Variants in SLC24A2 observed in about 807,000 individuals in gnomAD.
SLC24A2 encodes solute carrier family 24 member 2, also known as sodium/potassium/calcium exchanger 2.
Under a neutral mutation model 62.0 loss-of-function variants are expected in SLC24A2, and 36 were observed. The observed-to-expected ratio is 0.58, with a 90% CI of 0.44 to 0.77. The LOEUF (loss-of-function observed/expected upper bound fraction) is 0.77, where lower values mean the gene tolerates loss of function less well. Among genes scored for constraint, SLC24A2 ranks in the 30% least tolerant of loss-of-function variants. SLC24A2 has a pLI of 0.00. For synonymous variants in SLC24A2, 358 were observed against 294.0 expected (o/e 1.22, Z -2.23); for missense variants, 846 against 817.9 (o/e 1.03, Z -0.42).
At chr9:20,157,133 T>C in the SLC24A2 span, among the ~76,000 whole-genome samples, 1 of 151,608 alleles carries the variant, frequency 6.6e-6, no homozygotes, top group East Asian at 1.9e-4. Context: ...GAAAAGTAAG[T>C]GGGGAAGACA....
At chr9:19,970,613 C>T in the SLC24A2 span, among the ~76,000 whole-genome samples, 11 of 152,146 alleles carry the variant, frequency 7.2e-5, no homozygotes, top group African/African-American at 2.4e-4. Context: ...ATGTTAAGTT[C>T]ATTTGTTGAG....
chr9:20,184,018 C>T, the SLC24A2 span, among the ~76,000 whole-genome samples: 1 of 152,094 alleles, frequency 6.6e-6, no homozygotes, highest in Non-Finnish European at 1.5e-5. Flanking sequence ...AACCATACAT[C>T]TGATAAGGGG....
chr9:20,146,635 G>A, the SLC24A2 span, among the ~76,000 whole-genome samples: 21 of 152,030 alleles, frequency 1.4e-4, no homozygotes, highest in Non-Finnish European at 3.1e-4. Flanking sequence ...CAGTATAGTG[G>A]TAAAATTGGT....
the SLC24A2 span, among the ~76,000 whole-genome samples, chr9:19,824,618 C>T: frequency 1.3e-5 from 2 of 152,210 alleles, no homozygotes; most frequent in South Asian, 4.2e-4. Context: ...GTGGCGATTC[C>T]TCAAGGATCT....
At chr9:20,131,344 T>G in the SLC24A2 span, among the ~76,000 whole-genome samples, 2 of 152,122 alleles carry the variant, frequency 1.3e-5, no homozygotes, top group African/African-American at 4.8e-5. Context: ...GCATGATGAC[T>G]GGACAAGAGG....
the SLC24A2 span, among the ~76,000 whole-genome samples, chr9:20,258,800 C>CTATG: frequency 1.4e-3 from 177 of 128,834 alleles, 2 homozygotes; most frequent in African/African-American, 5.7e-3. Context: ...ATCTATCTAT[C>CTATG]TATCTATCTA....
At chr9:19,551,577 A>C (rs1487882131) in intron 7 of SLC24A2, among the ~76,000 whole-genome samples, 1 of 152,184 alleles carries the variant, frequency 6.6e-6, no homozygotes, top group Non-Finnish European at 1.5e-5. Context: ...GAACTTTTCC[A>C]CTGATGCTTC....
chr9:19,664,521 G>T (rs1216020049), intron 2 of SLC24A2, among the ~76,000 whole-genome samples: 3 of 152,184 alleles, frequency 2.0e-5, no homozygotes, highest in Admixed American at 6.6e-5. Flanking sequence ...AAGTTATCAG[G>T]CAAATCTGGT....
chr9:20,088,462 C>T, the SLC24A2 span, among the ~76,000 whole-genome samples: 3 of 152,194 alleles, frequency 2.0e-5, no homozygotes, highest in Non-Finnish European at 4.4e-5. Context: ...ATGTGTGTCC[C>T]AGATCCTATT....
At chr9:19,908,241 T>A in the SLC24A2 span, among the ~76,000 whole-genome samples, 1 of 150,492 alleles carries the variant, frequency 6.6e-6, no homozygotes, top group Non-Finnish European at 1.5e-5. Context: ...GGGAAAGGAT[T>A]CCCTACTTAA....
chr9:19,960,492 G>A, the SLC24A2 span, among the ~76,000 whole-genome samples: 1 of 152,202 alleles, frequency 6.6e-6, no homozygotes, highest in East Asian at 1.9e-4. Context: ...TCCCTTGTGA[G>A]ACTGGAACCT....
chr9:20,288,526 T>G, the SLC24A2 span, among the ~76,000 whole-genome samples: 1 of 151,966 alleles, frequency 6.6e-6, no homozygotes. Flanking sequence ...CCCAACATCT[T>G]GGGAGGCTAA....
the SLC24A2 span, among the ~76,000 whole-genome samples, chr9:19,812,964 C>T: frequency 8.5e-5 from 13 of 152,184 alleles, no homozygotes; most frequent in Non-Finnish European, 1.8e-4. Flanking sequence ...TAATCCTTGC[C>T]TCTTAGCTGA....
chr9:20,240,334 A>C, the SLC24A2 span, among the ~76,000 whole-genome samples: 5 of 152,220 alleles, frequency 3.3e-5, no homozygotes, highest in African/African-American at 1.2e-4. Context: ...ATGAGGATAC[A>C]CACAAAGGGA....
intron 8 of SLC24A2, among the ~76,000 whole-genome samples, chr9:19,529,247 A>G (rs778826703): frequency 5.3e-5 from 8 of 152,162 alleles, no homozygotes; most frequent in Non-Finnish European, 1.2e-4. Context: ...AGTAATCTCA[A>G]TTGTCCGAAA....
intron 2 of SLC24A2, among the ~76,000 whole-genome samples, chr9:19,765,845 C>T (rs144185294): frequency 0.011 from 1,694 of 152,244 alleles, 39 homozygotes; most frequent in African/African-American, 0.037. Flanking sequence ...GTTGGCCTGC[C>T]TTGCTAGGTT....
At chr9:19,859,237 A>G in the SLC24A2 span, among the ~76,000 whole-genome samples, 3 of 152,226 alleles carry the variant, frequency 2.0e-5, no homozygotes, top group Non-Finnish European at 4.4e-5. Flanking sequence ...TAAGCAAAAT[A>G]ACACAGGAAC....
chr9:20,066,228 AG>A, the SLC24A2 span, among the ~76,000 whole-genome samples: 1 of 152,234 alleles, frequency 6.6e-6, no homozygotes. Context: ...ATAAAAAACA[AG>A]GCTATTTTTA....
At chr9:20,120,658 C>T in the SLC24A2 span, among the ~76,000 whole-genome samples, 3 of 151,914 alleles carry the variant, frequency 2.0e-5, no homozygotes, top group African/African-American at 7.3e-5. Context: ...GTAACATTTA[C>T]CCATGTAACA....
Sources: gnomAD v4.1 joint callset for allele counts (sites outside exome capture counted in the v4.1 genomes callset) on GRCh38, gnomAD v4.1.1 for gene constraint, MANE v1.5 for transcripts, NCBI Gene and HGNC (gene_info 2026-07-23, HGNC 2026-07-21) for gene names.